The following JAG2 variants were observed in gnomAD, a reference collection of about 807,000 sequenced individuals.
The protein encoded by JAG2 is protein jagged-2.
A neutral mutation model predicts 141.7 loss-of-function variants in JAG2; 46 were observed. That is an observed-to-expected ratio of 0.32 (90% CI 0.26 to 0.42). The LOEUF is 0.42. Ranked by LOEUF, JAG2 falls within the 10% of genes least tolerant of loss-of-function variation. The probability of loss-of-function intolerance (pLI) is 1.00; values close to 1 mark genes in which losing one functional copy is unlikely to be tolerated. For missense variants in JAG2, 1,500 were observed against 1,817.5 expected, an observed-to-expected ratio of 0.83 and a Z score of 3.18; for synonymous variants, 862 against 763.5, an observed-to-expected ratio of 1.13 and a Z score of -2.13.
At chr14:105,143,439 T>C (rs1566758198) in intron 25 of JAG2, 43 bp downstream of exon 25, 2 of 1,536,830 alleles carry the variant, frequency 1.3e-6, no homozygotes, top group Non-Finnish European at 1.7e-6. Context: ...ATGCCTGAGT[T>C]GCCTGCCTGG....
rs975910677 is a variant in JAG2 at position 105,151,118 on chromosome 14, A to C, written c.1268-14T>G. The C allele has an allele frequency of 6.2e-7, 1 of 1,603,694 alleles. No homozygotes were observed. The highest frequency in any genetic ancestry group is 1.3e-5 in the African/African-American group (1 of 74,884). On this transcript the variant is annotated splice_polypyrimidine_tract_variant and intron_variant, in intron 9 of 25. Coordinates refer to ENST00000331782, the MANE Select transcript of JAG2 (RefSeq NM_002226.5). ...ACTCATTGGCGTCTGTGAAAGAGACAAGGTGGGAGCCGTGGGGCTCGGGCC... is the reference window on the plus strand; with the variant it reads ...ACTCATTGGCGTCTGTGAAAGAGACCAGGTGGGAGCCGTGGGGCTCGGGCC...
rs1162507659 is a variant in JAG2, at chr14:105,155,808, G to A, written c.657C>T (p.Gly219=). Residue 219 remains glycine, a synonymous_variant, in exon 4 of 26, where the codon GGC becomes GGT. Transcript: ENST00000331782. ...TGCCGTACTGGTCGCAGGTGTAGTG[G>A]CCGAAAAAGTCGTTGCGGGGCCGGC... ...KFCRPRNDFF[G]HYTCDQYGNK... is the part of the protein sequence containing the mutation. 1 of 1,612,938 alleles carries A rather than the reference G, an allele frequency of 6.2e-7. No individual in the cohort carries two copies. Among genetic ancestry groups the A allele is most frequent in the South Asian group, 1.1e-5 (1 of 91,056 alleles).
In JAG2 at chr14:105,150,904, G is replaced by A. The variant is rs772418300; in HGVS notation, c.1389C>T (p.Asn463=). 11 of 1,592,650 alleles carry A rather than the reference G, an allele frequency of 6.9e-6. No individual in the cohort carries two copies. Among genetic ancestry groups the A allele is most frequent in the Middle Eastern group, 1.7e-4 (1 of 6,050 alleles). The change falls in exon 11 of 26, where the codon AAC becomes AAT. Residue 463 remains asparagine (N), a synonymous_variant. Transcript: ENST00000331782. ...CATGCTGACACTGCCCGCGACAGTC[G>A]TTGACGTCTGGGGGCAGAGGAGCAG... ...WKGINCHINV[N]DCRGQCQHGG... is the part of the protein sequence containing the mutation.
chr14:105,160,688 C>T (rs1220398154), intron 2 of JAG2, among the ~76,000 whole-genome samples: 1 of 151,912 alleles, frequency 6.6e-6, no homozygotes, highest in African/African-American at 2.4e-5. Flanking sequence ...CACGGTTAAT[C>T]CTCATCTCTA....
intron 20 of JAG2, 29 bp from the exon 21 acceptor site, chr14:105,146,753 C>T (rs1356999625): frequency 6.4e-6 from 10 of 1,565,572 alleles, no homozygotes; most frequent in Middle Eastern, 1.7e-4. Flanking sequence ...CTGCTCAGTG[C>T]AGTGAGGCCA....
At chr14:105,149,456 G>A (rs1482067515) in intron 12 of JAG2, 136 bp from the exon 13 acceptor site, 5 of 1,088,224 alleles carry the variant, frequency 4.6e-6, no homozygotes, top group Non-Finnish European at 5.4e-6. Context: ...GTGCCAGCCA[G>A]AGCCCAAGAC....
intron 2 of JAG2, among the ~76,000 whole-genome samples, chr14:105,160,438 CTCCTTCCTTCGTTCCT>C (rs921677468): frequency 6.7e-6 from 1 of 150,134 alleles, no homozygotes; most frequent in Admixed American, 6.7e-5. Context: ...TGGCATTTGG[CTCCTTCCTTCGTTCCT>C]TCCTTCCTTC....
chr14:105,168,174 G>GT, intron 1 of JAG2, 67 bp from the exon 2 acceptor site: 1 of 1,352,816 alleles, frequency 7.4e-7, no homozygotes, highest in Non-Finnish European at 9.5e-7. Flanking sequence ...GGCGCCAGGG[G>GT]TGGGGGAACA....
At chr14:105,166,247 C>T (rs935724893) in intron 2 of JAG2, among the ~76,000 whole-genome samples, 3 of 152,252 alleles carry the variant, frequency 2.0e-5, no homozygotes, top group Non-Finnish European at 2.9e-5. Context: ...AGGGCGGACA[C>T]GCGATAGCCC....
chr14:105,160,079 C>T (rs1595186656), intron 2 of JAG2, among the ~76,000 whole-genome samples: 1 of 19,778 alleles, frequency 5.1e-5, no homozygotes, highest in African/African-American at 2.4e-4. Flanking sequence ...CATCCACACC[C>T]CCCAACATGC....
At chr14:105,160,986 C>G (rs933067297) in intron 2 of JAG2, among the ~76,000 whole-genome samples, 1 of 152,152 alleles carries the variant, frequency 6.6e-6, no homozygotes, top group African/African-American at 2.4e-5. Context: ...GGGCTGAGAA[C>G]GCATAGCCCA....
At chr14:105,161,299 C>G (rs1188056166) in intron 2 of JAG2, among the ~76,000 whole-genome samples, 1 of 151,794 alleles carries the variant, frequency 6.6e-6, no homozygotes, top group Admixed American at 6.6e-5. Context: ...ACCAGCAGGA[C>G]CAGGAAGCAG....
chr14:105,147,991 C>T, intron 17 of JAG2, 103 bp from the exon 18 acceptor site: 1 of 1,112,672 alleles, frequency 9.0e-7, no homozygotes, highest in Non-Finnish European at 1.3e-6. Flanking sequence ...GACCCGGGGG[C>T]AGGGGGCAGG....
At position 105,156,130 on chromosome 14, in the gene JAG2, C is replaced by A. The variant is rs587719329; in HGVS notation, c.476-141G>T. On this transcript the variant is annotated intron_variant, in intron 3 of 25. Transcript: ENST00000331782. ...GGCAGCAGCACACGGAGGGCAGGGC[C>A]CCCGGCCAGGCTGCTACAGAAAGCT... 5 of 1,130,366 alleles carry A rather than the reference C, an allele frequency of 4.4e-6. No homozygotes were observed. The South Asian group carries it at 8.0e-5, about 18-fold the overall frequency. The allele number at this position is 1,130,366 out of a possible 1,614,324, so 70.0% of individuals were successfully genotyped here. A position where few individuals can be genotyped will look rare whatever the true frequency, so the allele number is the denominator to read the frequency against.
chr14:105,158,401 G>A (rs1379589047), intron 2 of JAG2, among the ~76,000 whole-genome samples: 2 of 152,154 alleles, frequency 1.3e-5, no homozygotes, highest in East Asian at 3.8e-4. Flanking sequence ...TACAGTTGGG[G>A]AAACTGAGGC....
Position 105,152,391 on chromosome 14 carries a change from C to T in JAG2, c.789-100G>A, listed in dbSNP as rs150167393. On this transcript the variant is annotated intron_variant, in intron 5 of 25. Transcript: ENST00000331782. Reference sequence around the variant, plus strand: ...TCACCCACGCCACACCCAGGGCCGGCGGGCGGCCTCAGGCCTTTGAACTGG... The same window carrying T: ...TCACCCACGCCACACCCAGGGCCGGTGGGCGGCCTCAGGCCTTTGAACTGG... The T allele has an allele frequency of 8.6e-4, 1,221 of 1,424,212 alleles. 7 individuals carry two copies. The African/African-American group carries it at 0.011, about 12-fold the overall frequency. 88.2% of individuals were successfully genotyped at this position (1,424,212 alleles called of 1,614,324 possible).
chr14:105,151,777 G>A (rs1178314558), intron 7 of JAG2, 38 bp from the exon 8 acceptor site: 1 of 1,598,658 alleles, frequency 6.3e-7, no homozygotes, highest in Admixed American at 1.7e-5. Context: ...CTGGCAGCCA[G>A]GCCCCCAGCT....
chr14:105,150,962 AC>A, intron 10 of JAG2, 28 bp downstream of exon 10: 1 of 1,600,258 alleles, frequency 6.2e-7, no homozygotes, highest in Non-Finnish European at 8.5e-7. Flanking sequence ...GCCTCGGCCC[AC>A]CCGCCGGCGC....
At chr14:105,148,060 G>T in intron 17 of JAG2, 56 bp downstream of exon 17, 1 of 1,413,232 alleles carries the variant, frequency 7.1e-7, no homozygotes, top group Non-Finnish European at 9.7e-7. Flanking sequence ...GCCCGAGGGA[G>T]CGGTGCCTGG....
Sources: allele counts gnomAD v4.1 joint callset (sites outside exome capture counted in the v4.1 genomes callset), GRCh38; gene constraint gnomAD v4.1.1; transcripts MANE v1.5; gene names NCBI Gene and HGNC (gene_info 2026-07-23, HGNC 2026-07-21).